Variants in FGFRL1 observed in about 807,000 individuals in gnomAD.
FGFRL1 encodes the protein fibroblast growth factor receptor-like 1.
A neutral mutation model predicts 36.8 loss-of-function variants in FGFRL1; 24 were observed. The ratio of observed to expected loss-of-function variants is 0.65; its 90% CI spans 0.47 to 0.92. The LOEUF (loss-of-function observed/expected upper bound fraction) is 0.92. FGFRL1 is among the 40% of genes least tolerant of loss of function. The pLI, the probability that FGFRL1 is intolerant of heterozygous loss-of-function variation, is 0.00. For missense variants in FGFRL1, 785 were observed against 753.4 expected, an observed-to-expected ratio of 1.04 and a Z score of -0.49; for synonymous variants, 422 against 344.1, an observed-to-expected ratio of 1.23 and a Z score of -2.50.
chr4:1,013,079 C>CCT lies in FGFRL1; in HGVS notation c.79+516_79+517insTC, dbSNP rs1425870373. Among the ~76,000 whole-genome samples, 3 of 152,348 alleles carry CCT rather than the reference C, an allele frequency of 2.0e-5. No homozygotes were observed. In the East Asian group the frequency reaches 5.8e-4, roughly 29 times the overall value. ...GACCTAGCCGTGTGCCCTGGGCCTG[C>CCT]CCAGCTCTAGGCAGGCAGTGCCGGG... is the stretch of plus-strand genomic sequence containing the variant. On this transcript the variant is annotated intron_variant, in intron 2 of 6. Coordinates refer to ENST00000510644, the MANE Select transcript of FGFRL1 (RefSeq NM_001004356.3).
Position 1,024,998 on chromosome 4 carries a change from T to G in FGFRL1, c.1166T>G (p.Phe389Cys), listed in dbSNP as rs1716427203. The G allele has an allele frequency of 6.2e-7, 1 of 1,610,838 alleles. No individual in the cohort carries two copies. Among genetic ancestry groups the G allele is most frequent in the South Asian group, 1.1e-5 (1 of 91,052 alleles). Residue 389 changes from phenylalanine to cysteine, a missense_variant, in exon 7 of 7, where the codon TTC becomes TGC. Coordinates refer to ENST00000510644, the MANE Select transcript of FGFRL1 (RefSeq NM_001004356.3). ...ATCGGCATCCCAGCCGGCGCTGTCT[T>G]CATCCTGGGCACCCTGCTCCTGTGG... ...VVIGIPAGAV[F>C]ILGTLLLWLC...
chr4:1,013,485 T>C (rs1446003268), intron 2 of FGFRL1, among the ~76,000 whole-genome samples: 3 of 152,200 alleles, frequency 2.0e-5, no homozygotes, highest in African/African-American at 7.2e-5. Flanking sequence ...CACGTTCGGG[T>C]GCTGGGTGGC....
At chr4:1,018,581 G>C (rs531605096) in intron 2 of FGFRL1, among the ~76,000 whole-genome samples, 21 of 152,304 alleles carry the variant, frequency 1.4e-4, no homozygotes, top group Admixed American at 1.3e-3. Context: ...AGGCTGGGGG[G>C]TGTCTTGGCA....
At chr4:1,017,085 A>G (rs1280412112) in intron 2 of FGFRL1, among the ~76,000 whole-genome samples, 1 of 151,954 alleles carries the variant, frequency 6.6e-6, no homozygotes, top group East Asian at 1.9e-4. Context: ...GTGTGTCCTG[A>G]TTCCCCTCCC....
Position 1,026,884 on chromosome 4 carries a change from C to T in FGFRL1, c.*1537C>T. On this transcript the variant is annotated 3_prime_UTR_variant, in exon 7 of 7. Coordinates refer to ENST00000510644, the MANE Select transcript of FGFRL1 (RefSeq NM_001004356.3). ...ATTTATTTTGTTAAACATGAAAGTGCATCCTTTCCCTCCAGGCTGGTGTTT... is the reference window on the plus strand; with the variant it reads ...ATTTATTTTGTTAAACATGAAAGTGTATCCTTTCCCTCCAGGCTGGTGTTT... The T allele has an allele frequency of 2.2e-6, 1 of 450,110 alleles. No homozygotes were observed. The highest frequency in any genetic ancestry group is 4.5e-6 in the Non-Finnish European group (1 of 224,408). 27.9% of individuals were successfully genotyped at this position (450,110 alleles called of 1,614,324 possible).
At position 1,024,074 on chromosome 4, in the gene FGFRL1, A is replaced by G. The variant is rs1716356673; in HGVS notation, c.691A>G (p.Asn231Asp). 3 of 1,598,734 alleles carry G rather than the reference A, an allele frequency of 1.9e-6. No individual in the cohort carries two copies. The highest frequency in any genetic ancestry group is 4.5e-5 in the East Asian group (2 of 44,262). ...CGTGTCGAACCGCGCGGGCGCCATC[A>G]ACGCCACCTACAAGGTGGATGTGAT... ...CRVSNRAGAI[N>D]ATYKVDVIQR... Residue 231 changes from asparagine (N) to aspartate (D), a missense_variant, in exon 5 of 7, where the codon AAC becomes GAC. Physicochemically the swap from Asn to Asp is conservative, Grantham distance 23 (BLOSUM62 1). Coordinates refer to ENST00000510644, the MANE Select transcript of FGFRL1 (RefSeq NM_001004356.3).
chr4:1,017,699 G>T (rs1170256285), intron 2 of FGFRL1, among the ~76,000 whole-genome samples: 1 of 152,184 alleles, frequency 6.6e-6, no homozygotes, highest in African/African-American at 2.4e-5. Context: ...CCAACAGAGG[G>T]GTCATGACGC....
chr4:1,025,369 G>C lies in FGFRL1; in HGVS notation c.*22G>C. On this transcript the variant is annotated 3_prime_UTR_variant, in exon 7 of 7. Coordinates refer to ENST00000510644, the MANE Select transcript of FGFRL1 (RefSeq NM_001004356.3). ...CTAGACGGCACCGTATCTGCAGTGG[G>C]CACGGGGGGGCCGGCCAGACAGGCA... 1 of 1,522,578 alleles carries C rather than the reference G, an allele frequency of 6.6e-7. No homozygotes were observed. Among genetic ancestry groups the C allele is most frequent in the East Asian group, 2.5e-5 (1 of 40,420 alleles). 94.3% of individuals were successfully genotyped at this position (1,522,578 alleles called of 1,614,324 possible).
chr4:1,020,645 GT>G (rs1716122788), intron 2 of FGFRL1, among the ~76,000 whole-genome samples: 1 of 126,040 alleles, frequency 7.9e-6, no homozygotes, highest in African/African-American at 3.1e-5. Flanking sequence ...AGGGGATGGG[GT>G]GGGGACCCAG....
Position 1,013,080 on chromosome 4 carries a change from C to G in FGFRL1, c.79+516C>G, listed in dbSNP as rs370493457. Among the ~76,000 whole-genome samples the G allele has an allele frequency of 3.3e-4, 51 of 152,326 alleles. 1 individual carries two copies. Among genetic ancestry groups the G allele is most frequent in the East Asian group, 2.3e-3 (12 of 5,184 alleles). On this transcript the variant is annotated intron_variant, in intron 2 of 6. Coordinates refer to ENST00000510644, the MANE Select transcript of FGFRL1 (RefSeq NM_001004356.3). Reference sequence around the variant, plus strand: ...ACCTAGCCGTGTGCCCTGGGCCTGCCCAGCTCTAGGCAGGCAGTGCCGGGC... The same window carrying G: ...ACCTAGCCGTGTGCCCTGGGCCTGCGCAGCTCTAGGCAGGCAGTGCCGGGC...
At position 1,022,953 on chromosome 4, in the gene FGFRL1, CCGCTGGG is replaced by C. The variant is rs529298368; in HGVS notation, c.352+480_352+486del. 3.1e-4 allele frequency among the ~76,000 whole-genome samples: 47 copies of C among 152,198 alleles called. 1 individual carries two copies. In the South Asian group the frequency reaches 9.3e-3, roughly 30 times the overall value. ...CTAGGGACCCGGCACCCCGCCTGCT[CCGCTGGG>C]CTCCTGGGTGTGGGGCCCTCGGGTG... On this transcript the variant is annotated intron_variant, in intron 3 of 6. Coordinates refer to ENST00000510644, the MANE Select transcript of FGFRL1 (RefSeq NM_001004356.3).
At chr4:1,018,409 C>G (rs1716006148) in intron 2 of FGFRL1, among the ~76,000 whole-genome samples, 1 of 152,206 alleles carries the variant, frequency 6.6e-6, no homozygotes, top group South Asian at 2.1e-4. Context: ...GGCGCACTGC[C>G]TCCGAGTCTA....
At position 1,026,163 on chromosome 4, in the gene FGFRL1, A is replaced by C; in HGVS notation, c.*816A>C. ...GTGCAGATATTGCCTGGACACACACATGTGCACAGATATGCTGTCTGGACA... is the reference window on the plus strand; with the variant it reads ...GTGCAGATATTGCCTGGACACACACCTGTGCACAGATATGCTGTCTGGACA... On this transcript the variant is annotated 3_prime_UTR_variant, in exon 7 of 7. Transcript: ENST00000510644. 6.6e-6 allele frequency: 1 copy of C among 150,836 alleles called. No homozygotes were observed. Among genetic ancestry groups the C allele is most frequent in the South Asian group, 1.8e-4 (1 of 5,430 alleles). 9.3% of individuals were successfully genotyped at this position (150,836 alleles called of 1,614,324 possible). A position where few individuals can be genotyped will look rare whatever the true frequency, so the allele number is the denominator to read the frequency against.
chr4:1,012,012 G>C (rs1715610593), intron 1 of FGFRL1, 58 bp downstream of exon 1: 2 of 146,084 alleles, frequency 1.4e-5, no homozygotes, highest in South Asian at 4.2e-4. Flanking sequence ...GAGGGCGGGG[G>C]TCCGGGGCGG....
chr4:1,012,371 G>C, intron 1 of FGFRL1, 99 bp from the exon 2 acceptor site: 1 of 1,409,480 alleles, frequency 7.1e-7, no homozygotes, highest in Non-Finnish European at 9.5e-7. Flanking sequence ...GAGGGCCTGT[G>C]GGGAGGGCGG....
At position 1,011,901 on chromosome 4, in the gene FGFRL1, A is replaced by T. The variant is rs1222260952; in HGVS notation, c.-70A>T. ...CGGGGCGGCGATGACCGCGGAGCGC[A>T]CGCCGCGGGCCCGGCCCTGACCCCG... is the stretch of plus-strand genomic sequence containing the variant. On this transcript the variant is annotated 5_prime_UTR_variant, in exon 1 of 7. Transcript: ENST00000510644. The T allele has an allele frequency of 7.1e-6, 1 of 141,350 alleles. No homozygotes were observed. Among genetic ancestry groups the T allele is most frequent in the Non-Finnish European group, 1.5e-5 (1 of 64,594 alleles). The allele number at this position is 141,350 out of a possible 1,614,324, so 8.8% of individuals were successfully genotyped here.
At chr4:1,016,661 C>G (rs906041944) in intron 2 of FGFRL1, among the ~76,000 whole-genome samples, 1 of 152,100 alleles carries the variant, frequency 6.6e-6, no homozygotes. Context: ...CCAGTTCCCC[C>G]GCACGTCCTG....
At chr4:1,017,073 C>G (rs1407803918) in intron 2 of FGFRL1, among the ~76,000 whole-genome samples, 9 of 152,186 alleles carry the variant, frequency 5.9e-5, no homozygotes, top group Admixed American at 2.6e-4. Context: ...GGGTTCGACA[C>G]AGTGTGTCCT....
chr4:1,022,500 T>C, intron 3 of FGFRL1, 25 bp downstream of exon 3: 1 of 1,565,100 alleles, frequency 6.4e-7, no homozygotes. Context: ...CGGTCAGAGG[T>C]CATGGGCTGG....
Sources: allele counts gnomAD v4.1 joint callset (sites outside exome capture counted in the v4.1 genomes callset), GRCh38; gene constraint gnomAD v4.1.1; transcripts MANE v1.5; gene names NCBI Gene and HGNC (gene_info 2026-07-23, HGNC 2026-07-21).